Variants in MYO6 observed in about 807,000 individuals in gnomAD.
MYO6 encodes the protein myosin VI, also known as unconventional myosin-VI.
Under a neutral mutation model 178.7 loss-of-function variants are expected in MYO6, and 74 were observed. That is an observed-to-expected ratio of 0.41 (90% confidence interval 0.34 to 0.50). The LOEUF (loss-of-function observed/expected upper bound fraction) is 0.50, where lower values mean the gene tolerates loss of function less well. Among genes scored for constraint, MYO6 ranks in the 20% least tolerant of loss-of-function variants. MYO6 has a pLI of 0.09. For missense variants in MYO6, 1,330 were observed against 1,547.4 expected (o/e 0.86, Z 2.36); for synonymous variants, 477 against 504.6 (o/e 0.95, Z 0.73).
Position 75,908,642 on chromosome 6 carries a change from G to T in MYO6, c.3412+15G>T. 6.2e-7 allele frequency: 1 copy of T among 1,612,586 alleles called. No individual in the cohort carries two copies. The highest frequency in any genetic ancestry group is 1.1e-5 in the South Asian group (1 of 91,048). On this transcript the variant is annotated intron_variant, in intron 32 of 34. Coordinates refer to ENST00000369977, the MANE Select transcript of MYO6 (RefSeq NM_004999.4). ...TACTGATTATGGTAAAGAGAAATCT[G>T]TACTTTTGAACGTTTTAAAATATAT...
In MYO6 at chr6:75,886,059, T is replaced by G. The variant is rs368132510; in HGVS notation, c.2472T>G (p.Ile824Met). ...AEACIKMQKTIRMWLCKRRHK... is the reference protein window; with the variant it reads ...AEACIKMQKTMRMWLCKRRHK... ...CCTGCATTAAAATGCAAAAAACTAT[T>G]CGAATGTGGCTTTGCAAGAGGAGAC... The change falls in exon 24 of 35, where the codon ATT becomes ATG. Residue 824 changes from isoleucine to methionine, a missense_variant. By Grantham distance (10) the Ile-to-Met change is conservative. This residue lies in a region of MYO6 where 601 missense variants were observed against 626.1 expected (regional missense o/e 0.96). Transcript: ENST00000369977. 2.8e-5 allele frequency: 45 copies of G among 1,612,818 alleles called. No individual in the cohort carries two copies. The African/African-American group carries it at 5.2e-4, about 19-fold the overall frequency.
In MYO6 at chr6:75,906,330, G is replaced by T. The variant is rs186787620; in HGVS notation, c.3177-1275G>T. ...GCTGAAAAATAAGTTTATTATTACAGAAAAGAAATTGTTCCCATATTTTCT... is the reference window on the plus strand; with the variant it reads ...GCTGAAAAATAAGTTTATTATTACATAAAAGAAATTGTTCCCATATTTTCT... On this transcript the variant is annotated intron_variant, in intron 30 of 34. Transcript: ENST00000369977. Among the ~76,000 whole-genome samples, 24 of 152,228 alleles carry T rather than the reference G, an allele frequency of 1.6e-4. 1 individual carries two copies. The highest frequency in any genetic ancestry group is 1.2e-3 in the Admixed American group (19 of 15,290).
chr6:75,901,125 T>C (rs1779738891), intron 30 of MYO6, among the ~76,000 whole-genome samples: 1 of 152,192 alleles, frequency 6.6e-6, no homozygotes, highest in South Asian at 2.1e-4. Context: ...CATGCTGTTA[T>C]GGTTACTGTA....
At position 75,822,850 on chromosome 6, in the gene MYO6, C is replaced by T. The variant is rs538050756; in HGVS notation, c.186C>T (p.Asn62=). ...ACAGTAAAAAAGATGTGGAAGATAA[C>T]TGTAAGTACCAAGTTAAAAATTAAC... ...EEDSKKDVED[N]CSLMYLNEAT... Residue 62 remains asparagine, a splice_region_variant and synonymous_variant, in exon 3 of 35, where the codon AAC becomes AAT. Coordinates refer to ENST00000369977, the MANE Select transcript of MYO6 (RefSeq NM_004999.4). 4 of 1,611,188 alleles carry T rather than the reference C, an allele frequency of 2.5e-6. No homozygotes were observed. In the Admixed American group the frequency reaches 6.7e-5, roughly 27 times the overall value.
chr6:75,757,242 C>T (rs1777512700), intron 1 of MYO6, among the ~76,000 whole-genome samples: 1 of 146,038 alleles, frequency 6.8e-6, no homozygotes, highest in South Asian at 2.1e-4. Context: ...TATAGACATA[C>T]ATACATATGT....
chr6:75,832,900 T>C lies in MYO6; in HGVS notation c.450T>C (p.Ser150=). 1 of 1,614,166 alleles carries C rather than the reference T, an allele frequency of 6.2e-7. No individual in the cohort carries two copies. ...VLKMSQSIIV[S]GESGAGKTEN... ...AGATGAGTCAGTCTATCATTGTATC[T>C]GGAGAATCAGGAGCCGGCAAAACAG... The change falls in exon 6 of 35, where the codon TCT becomes TCC. Residue 150 remains serine, a synonymous_variant. Transcript: ENST00000369977.
chr6:75,840,745 G>C (rs1774140799), intron 8 of MYO6, 63 bp downstream of exon 8: 2 of 1,213,524 alleles, frequency 1.6e-6, no homozygotes, highest in Admixed American at 3.6e-5. Context: ...GCAAGGGTCA[G>C]TTGGTGCTGT....
rs1235320252 is a variant in MYO6 at position 75,918,387 on chromosome 6, AC to A, written c.*3380del. The A allele has an allele frequency of 1.3e-5, 2 of 152,124 alleles. No individual in the cohort carries two copies. The highest frequency in any genetic ancestry group is 2.4e-5 in the African/African-American group (1 of 41,416). The allele number at this position is 152,124 out of a possible 1,614,324, so 9.4% of individuals were successfully genotyped here. ...GGTTGTGTGCCCCTAAAGATTCTGC[AC>A]CCCCAGTTTGGAAACACTGATACAT... is the stretch of plus-strand genomic sequence containing the variant. On this transcript the variant is annotated 3_prime_UTR_variant, in exon 35 of 35. Coordinates refer to ENST00000369977, the MANE Select transcript of MYO6 (RefSeq NM_004999.4).
In MYO6 at chr6:75,892,842, G is replaced by A. The variant is rs999337984; in HGVS notation, c.3107+152G>A. The A allele has an allele frequency of 2.5e-5, 20 of 795,924 alleles. No individual in the cohort carries two copies. The East Asian group carries it at 3.0e-4, about 12-fold the overall frequency. The allele number at this position is 795,924 out of a possible 1,614,324, so 49.3% of individuals were successfully genotyped here. A position where few individuals can be genotyped will look rare whatever the true frequency, so the allele number is the denominator to read the frequency against. On this transcript the variant is annotated intron_variant, in intron 28 of 34. Transcript: ENST00000369977. ...AAATAATTTTAAAATTATTTGTATC[G>A]ACTTTCATACTCAAGTGAATGAGAT...
At chr6:75,755,484 G>A (rs1191610528) in intron 1 of MYO6, among the ~76,000 whole-genome samples, 1 of 152,112 alleles carries the variant, frequency 6.6e-6, no homozygotes, top group African/African-American at 2.4e-5. Flanking sequence ...TGAGCATGAT[G>A]CATCATTATG....
At chr6:75,859,492 G>T (rs943565365) in intron 14 of MYO6, among the ~76,000 whole-genome samples, 12 of 151,530 alleles carry the variant, frequency 7.9e-5, no homozygotes, top group Non-Finnish European at 1.3e-4. Flanking sequence ...TAGAGACAGG[G>T]TTTCACAATT....
intron 6 of MYO6, among the ~76,000 whole-genome samples, chr6:75,835,624 G>T (rs1216111014): frequency 6.6e-6 from 1 of 152,022 alleles, no homozygotes; most frequent in Non-Finnish European, 1.5e-5. Flanking sequence ...TAGAGAAGGG[G>T]TTTCACCATG....
chr6:75,890,407 C>T (rs573352802), intron 26 of MYO6, 142 bp downstream of exon 26: 34 of 1,191,554 alleles, frequency 2.9e-5, no homozygotes, highest in Admixed American at 4.3e-5. Context: ...AGTGCAGTGG[C>T]GCGATCTTGG....
chr6:75,854,557 A>T (rs1407825909), intron 11 of MYO6, among the ~76,000 whole-genome samples: 1 of 152,068 alleles, frequency 6.6e-6, no homozygotes, highest in Admixed American at 6.6e-5. Flanking sequence ...GAAAAAATCT[A>T]AAATCTGAAA....
intron 14 of MYO6, among the ~76,000 whole-genome samples, chr6:75,860,804 G>A (rs1776135532): frequency 6.6e-6 from 1 of 152,070 alleles, no homozygotes; most frequent in Non-Finnish European, 1.5e-5. Context: ...TCACTGTGTT[G>A]GTATTAGAGC....
At chr6:75,911,820 G>A in intron 33 of MYO6, 122 bp downstream of exon 33, 1 of 890,844 alleles carries the variant, frequency 1.1e-6, no homozygotes, top group South Asian at 1.4e-5. Context: ...GTGTGTTAAA[G>A]TTGTTATATC....
intron 1 of MYO6, among the ~76,000 whole-genome samples, chr6:75,809,614 C>G (rs769144077): frequency 1.3e-5 from 2 of 152,172 alleles, no homozygotes; most frequent in East Asian, 1.9e-4. Context: ...GATTCTGTCT[C>G]TGCCTGAAAA....
rs775377175 is a variant in MYO6 at position 75,914,962 on chromosome 6, C to T, written c.3808C>T (p.Gln1270Ter). Residue 1270 changes from glutamine (Q) to a stop codon, truncating the protein, a stop_gained, in exon 35 of 35, where the codon CAG (glutamine) becomes TAG (stop). Transcript: ENST00000369977. LOFTEE classifies it high-confidence loss of function. Reference sequence around the variant, plus strand: ...CCTTCAGAATGCGATTGAGAGCAGACAGGCTCGGCCCACCTATGCAACAGC... The same window carrying T: ...CCTTCAGAATGCGATTGAGAGCAGATAGGCTCGGCCCACCTATGCAACAGC... ...QYLQNAIESR[Q>*]ARPTYATAML... The T allele has an allele frequency of 9.3e-6, 15 of 1,613,816 alleles. No homozygotes were observed. Among genetic ancestry groups the T allele is most frequent in the African/African-American group, 1.3e-5 (1 of 74,926 alleles).
intron 1 of MYO6, among the ~76,000 whole-genome samples, chr6:75,798,465 C>T (rs1364932862): frequency 6.6e-6 from 1 of 152,110 alleles, no homozygotes; most frequent in Non-Finnish European, 1.5e-5. Flanking sequence ...GGTGGTTCAA[C>T]ATATGCAAAT....
Sources: gnomAD v4.1 joint callset for allele counts (sites outside exome capture counted in the v4.1 genomes callset) on GRCh38, gnomAD v4.1.1 for gene constraint, gnomAD v4.1.1 regional missense constraint, MANE v1.5 for transcripts, NCBI Gene and HGNC (gene_info 2026-07-23, HGNC 2026-07-21) for gene names.